Variants in RAD51B observed in about 807,000 individuals in gnomAD.
The protein encoded by RAD51B is DNA repair protein RAD51 homolog 2.
A neutral mutation model predicts 42.2 loss-of-function variants in RAD51B; 38 were observed. The observed-to-expected ratio is 0.90, with a 90% CI of 0.70 to 1.18. RAD51B has a LOEUF of 1.18. Ranked by LOEUF, RAD51B falls within the 50% of genes most tolerant of loss-of-function variation. The pLI is 0.00. For synonymous variants in RAD51B, 154 were observed against 145.2 expected, an observed-to-expected ratio of 1.06 and a Z score of -0.43; for missense variants, 373 against 400.7, an observed-to-expected ratio of 0.93 and a Z score of 0.59.
At chr14:67,881,435 C>A (rs1008717011) in intron 5 of RAD51B, among the ~76,000 whole-genome samples, 5 of 152,312 alleles carry the variant, frequency 3.3e-5, no homozygotes, top group Middle Eastern at 3.4e-3. Flanking sequence ...TCCCTTCACA[C>A]ATGTGCAGAT....
chr14:68,592,688 C>A (rs971320707), intron 10 of RAD51B, among the ~76,000 whole-genome samples: 1 of 152,208 alleles, frequency 6.6e-6, no homozygotes, highest in Admixed American at 6.5e-5. Context: ...TGGCCACATG[C>A]CAGACACATA....
chr14:68,425,952 CTTT>C (rs1566876384), intron 9 of RAD51B, among the ~76,000 whole-genome samples: 1,207 of 94,412 alleles, frequency 0.013, 11 homozygotes, highest in African/African-American at 0.05. Context: ...TTCTTTCTTT[CTTT>C]CTTTCTTTCT....
At chr14:68,368,065 A>C (rs1179200999) in intron 8 of RAD51B, among the ~76,000 whole-genome samples, 5 of 152,200 alleles carry the variant, frequency 3.3e-5, no homozygotes, top group Non-Finnish European at 7.4e-5. Context: ...GTATTGCTGA[A>C]TCAGTTTACA....
chr14:68,428,720 T>C (rs1191206650), intron 9 of RAD51B, among the ~76,000 whole-genome samples: 10 of 3,234 alleles, frequency 3.1e-3, no homozygotes, highest in African/African-American at 5.1e-3. Flanking sequence ...TATATATATA[T>C]ATATATATAT....
chr14:67,896,496 T>C (rs1025398802), intron 7 of RAD51B, among the ~76,000 whole-genome samples: 1 of 152,220 alleles, frequency 6.6e-6, no homozygotes, highest in African/African-American at 2.4e-5. Flanking sequence ...ACACATAGTA[T>C]TACTGTAATG....
intron 10 of RAD51B, among the ~76,000 whole-genome samples, chr14:68,582,089 T>C (rs1331591014): frequency 2.0e-5 from 3 of 152,184 alleles, no homozygotes; most frequent in African/African-American, 7.2e-5. Context: ...ATTCAGGACA[T>C]AAGCATGGGC....
chr14:68,522,588 G>A (rs1408030942), intron 10 of RAD51B, among the ~76,000 whole-genome samples: 3 of 152,168 alleles, frequency 2.0e-5, no homozygotes, highest in African/African-American at 7.2e-5. Context: ...AGCATGTACC[G>A]GCTCGTGTGT....
At chr14:68,099,452 A>G (rs1231390880) in intron 7 of RAD51B, among the ~76,000 whole-genome samples, 1 of 152,220 alleles carries the variant, frequency 6.6e-6, no homozygotes, top group African/African-American at 2.4e-5. Context: ...TTACTTCAGT[A>G]GCACACAAAA....
intron 7 of RAD51B, chr14:68,114,194 C>T (rs2140597453): frequency 6.6e-6 from 1 of 152,226 alleles, no homozygotes; most frequent in Admixed American, 6.5e-5. Flanking sequence ...GTGATCATTG[C>T]TAGTGACAGC....
At chr14:68,121,860 A>T (rs1166112868) in intron 7 of RAD51B, among the ~76,000 whole-genome samples, 2 of 152,100 alleles carry the variant, frequency 1.3e-5, no homozygotes, top group Non-Finnish European at 2.9e-5. Context: ...CAATAACTTA[A>T]AGACTGTGGT....
intron 7 of RAD51B, among the ~76,000 whole-genome samples, chr14:67,898,028 A>G (rs2043482511): frequency 6.6e-6 from 1 of 152,218 alleles, no homozygotes; most frequent in South Asian, 2.1e-4. Context: ...TTCTCAAAAC[A>G]TTAAAGATAG....
chr14:68,639,425 CA>C (rs11297088), intron 10 of RAD51B, among the ~76,000 whole-genome samples: 137,334 of 152,118 alleles, frequency 0.9, 62,208 homozygotes, highest in African/African-American at 0.97. Flanking sequence ...GGCCAGAACT[CA>C]AGTCACCTGG....
intron 7 of RAD51B, among the ~76,000 whole-genome samples, chr14:68,264,814 G>A (rs979337054): frequency 2.0e-5 from 3 of 152,168 alleles, no homozygotes; most frequent in Non-Finnish European, 2.9e-5. Flanking sequence ...GGTCAGCACT[G>A]TGTTTAATTT....
chr14:68,621,440 G>A (rs778801949), intron 10 of RAD51B, among the ~76,000 whole-genome samples: 1 of 152,032 alleles, frequency 6.6e-6, no homozygotes. Context: ...TTTCTCCACT[G>A]TCTATGCTTT....
At chr14:68,172,696 C>T (rs778728954) in intron 7 of RAD51B, among the ~76,000 whole-genome samples, 6 of 152,098 alleles carry the variant, frequency 3.9e-5, no homozygotes, top group Non-Finnish European at 8.8e-5. Flanking sequence ...TGATGTGACC[C>T]GAACCATGGT....
intron 7 of RAD51B, among the ~76,000 whole-genome samples, chr14:68,162,395 A>G (rs2078658396): frequency 6.6e-6 from 1 of 152,242 alleles, no homozygotes; most frequent in African/African-American, 2.4e-5. Flanking sequence ...TTTTAAATTG[A>G]ATACTGAATG....
At chr14:68,108,117 A>G (rs1290945986) in intron 7 of RAD51B, among the ~76,000 whole-genome samples, 3 of 151,918 alleles carry the variant, frequency 2.0e-5, no homozygotes, top group East Asian at 1.9e-4. Context: ...AGTCAAAACC[A>G]TAATAAGATA....
At chr14:67,891,268 T>A (rs1160089535) in intron 7 of RAD51B, among the ~76,000 whole-genome samples, 1 of 152,140 alleles carries the variant, frequency 6.6e-6, no homozygotes, top group Non-Finnish European at 1.5e-5. Flanking sequence ...AAGAGGGAAA[T>A]GCCTTATTTT....
chr14:68,162,979 G>A (rs1336031501), intron 7 of RAD51B, among the ~76,000 whole-genome samples: 1 of 152,190 alleles, frequency 6.6e-6, no homozygotes, highest in Non-Finnish European at 1.5e-5. Context: ...TATTGGGTTT[G>A]ACACTTCAGA....
Sources: gnomAD v4.1 joint callset for allele counts (sites outside exome capture counted in the v4.1 genomes callset) on GRCh38, gnomAD v4.1.1 for gene constraint, MANE v1.5 for transcripts, NCBI Gene and HGNC (gene_info 2026-07-23, HGNC 2026-07-21) for gene names.